MSRB3: variants seen among roughly 807,000 people sequenced by gnomAD.
MSRB3 encodes the protein methionine-R-sulfoxide reductase B3.
A neutral mutation model predicts 21.0 loss-of-function variants in MSRB3; 13 were observed. That is an observed-to-expected ratio of 0.62 (90% CI 0.40 to 0.98). MSRB3 has a LOEUF of 0.98. Among genes scored for constraint, MSRB3 ranks in the 50% least tolerant of loss-of-function variants. The pLI is 0.00. For synonymous variants in MSRB3, 87 were observed against 88.6 expected (o/e 0.98, Z 0.10); for missense variants, 199 against 230.3 (o/e 0.86, Z 0.88).
At chr12:65,347,879 G>C (rs989852257) in intron 4 of MSRB3, among the ~76,000 whole-genome samples, 1 of 152,130 alleles carries the variant, frequency 6.6e-6, no homozygotes, top group Non-Finnish European at 1.5e-5. Flanking sequence ...TTATATGCTG[G>C]ATTACGTTTA....
At chr12:65,428,739 C>T (rs916509969) in intron 5 of MSRB3, among the ~76,000 whole-genome samples, 1 of 152,096 alleles carries the variant, frequency 6.6e-6, no homozygotes, top group East Asian at 1.9e-4. Flanking sequence ...CTAGACCTTT[C>T]TCTGTCTATG....
intron 5 of MSRB3, among the ~76,000 whole-genome samples, chr12:65,422,961 C>CTTTT (rs141803317): frequency 3.3e-4 from 41 of 124,320 alleles, no homozygotes; most frequent in African/African-American, 9.4e-4. Context: ...TTAGGGTTTT[C>CTTTT]TTTTTTTTTT....
intron 4 of MSRB3, among the ~76,000 whole-genome samples, chr12:65,339,076 C>CA (rs1875969510): frequency 6.6e-6 from 1 of 151,744 alleles, no homozygotes; most frequent in African/African-American, 2.4e-5. Flanking sequence ...GATTCTGTCT[C>CA]AAAAAAATAA....
At position 65,406,493 on chromosome 12, in the gene MSRB3, C is replaced by T. The variant is rs117449370; in HGVS notation, c.292+37467C>T. The stretch of plus-strand genomic sequence containing the variant: ...TGTTCATGGGTTGGAAGAATTAATA[C>T]TGTTAAAATGTCTGTATACCCAAAA... On this transcript the variant is annotated intron_variant, in intron 5 of 6. Coordinates refer to ENST00000308259, the MANE Select transcript of MSRB3 (RefSeq NM_001031679.3). Among the ~76,000 whole-genome samples the T allele has an allele frequency of 5.9e-5, 9 of 152,290 alleles. No individual in the cohort carries two copies. The East Asian group carries it at 1.7e-3, about 29-fold the overall frequency.
intron 1 of MSRB3, among the ~76,000 whole-genome samples, chr12:65,304,195 A>G (rs548809746): frequency 2.4e-4 from 37 of 152,272 alleles, no homozygotes; most frequent in Admixed American, 1.7e-3. Context: ...CAGACCCTTT[A>G]TATTGGTTAG....
intron 5 of MSRB3, among the ~76,000 whole-genome samples, chr12:65,394,483 G>A (rs1879668218): frequency 6.6e-6 from 1 of 152,156 alleles, no homozygotes; most frequent in Non-Finnish European, 1.5e-5. Context: ...CTCCCAGCCA[G>A]TATCACTTCA....
At position 65,305,483 on chromosome 12, in the gene MSRB3, G is replaced by C. The variant is rs560552319; in HGVS notation, c.-51-3046G>C. 5.9e-5 allele frequency among the ~76,000 whole-genome samples: 9 copies of C among 152,270 alleles called. No homozygotes were observed. The East Asian group carries it at 9.7e-4, about 16-fold the overall frequency. ...AAGGCTTTTCATTGCCAGTTGTGTAGTGGTCAAGAGCACTGGCTTTGGAGG... is the reference window on the plus strand; with the variant it reads ...AAGGCTTTTCATTGCCAGTTGTGTACTGGTCAAGAGCACTGGCTTTGGAGG... On this transcript the variant is annotated intron_variant, in intron 1 of 6. Transcript: ENST00000308259.
At chr12:65,279,059 C>T (rs1194558135) in intron 1 of MSRB3, 194 bp downstream of exon 1, 1 of 1,419,956 alleles carries the variant, frequency 7.0e-7, no homozygotes, top group East Asian at 2.7e-5. Flanking sequence ...GGTGAGGGGC[C>T]GAACGGAAGG....
At chr12:65,347,394 A>G (rs913093823) in intron 4 of MSRB3, among the ~76,000 whole-genome samples, 1 of 152,102 alleles carries the variant, frequency 6.6e-6, no homozygotes, top group African/African-American at 2.4e-5. Flanking sequence ...TTTGTCTGTT[A>G]TTGGTGTATT....
chr12:65,424,753 C>T (rs12816177), intron 5 of MSRB3, among the ~76,000 whole-genome samples: 1,616 of 151,276 alleles, frequency 0.011, 13 homozygotes, highest in Non-Finnish European at 0.016. Context: ...GAGAATGTTC[C>T]GCTTGTGCTT....
rs990426596 is a variant in MSRB3, at chr12:65,280,272, C to CA, written c.-52+1414dup. 6.9e-4 allele frequency among the ~76,000 whole-genome samples: 105 copies of CA among 152,092 alleles called. 2 individuals are homozygous for CA. Among genetic ancestry groups the CA allele is most frequent in the Admixed American group, 5.4e-3 (83 of 15,280 alleles). On this transcript the variant is annotated intron_variant, in intron 1 of 6. Transcript: ENST00000308259. The stretch of plus-strand genomic sequence containing the variant: ...TTTCTTTCTGCATAGTATTGTTTTT[C>CA]AAAAAAACCCTGTTTTTTATAGATT...
In MSRB3 at chr12:65,347,596, G is replaced by T. The variant is rs28822674; in HGVS notation, c.263+18993G>T. Among the ~76,000 whole-genome samples, 523 of 152,152 alleles carry T rather than the reference G, an allele frequency of 3.4e-3. 4 individuals are homozygous for T. Among genetic ancestry groups the T allele is most frequent in the African/African-American group, 0.012 (491 of 41,500 alleles). On this transcript the variant is annotated intron_variant, in intron 4 of 6. Transcript: ENST00000308259. ...CTCTATTTCTTTCTCCTGCCTAATT[G>T]CCCTGGCCAGAACTTCCAACACTAT...
intron 4 of MSRB3, among the ~76,000 whole-genome samples, chr12:65,341,049 A>AG (rs1876106493): frequency 6.6e-6 from 1 of 152,126 alleles, no homozygotes; most frequent in Non-Finnish European, 1.5e-5. Flanking sequence ...TCTGATAAAA[A>AG]GATATTCAAT....
chr12:65,313,347 A>G (rs1273579411), intron 2 of MSRB3, among the ~76,000 whole-genome samples: 2 of 152,170 alleles, frequency 1.3e-5, no homozygotes, highest in Admixed American at 1.3e-4. Flanking sequence ...TACTTAAAAG[A>G]TAATCAGAAT....
chr12:65,309,173 A>G (rs944000080), intron 2 of MSRB3, among the ~76,000 whole-genome samples: 3 of 152,240 alleles, frequency 2.0e-5, no homozygotes, highest in African/African-American at 4.8e-5. Context: ...CTAATATAGC[A>G]TGCATCAGTG....
intron 5 of MSRB3, chr12:65,419,097 C>T (rs940990843): frequency 1.2e-5 from 8 of 692,168 alleles, no homozygotes; most frequent in Admixed American, 2.0e-5. Flanking sequence ...GGTCAGTCTC[C>T]GAGGACTGGG....
At chr12:65,300,168 GCTT>G (rs533676571) in intron 1 of MSRB3, among the ~76,000 whole-genome samples, 95 of 152,250 alleles carry the variant, frequency 6.2e-4, no homozygotes, top group African/African-American at 2.2e-3. Context: ...ACTTTCAATT[GCTT>G]CAGGAAATAA....
At chr12:65,349,556 C>G (rs544749690) in intron 4 of MSRB3, among the ~76,000 whole-genome samples, 247 of 148,610 alleles carry the variant, frequency 1.7e-3, no homozygotes, top group Admixed American at 2.8e-3. Flanking sequence ...TTCTCCACAT[C>G]CTCTCCGGCA....
At chr12:65,341,322 T>G (rs1408621439) in intron 4 of MSRB3, among the ~76,000 whole-genome samples, 1 of 152,082 alleles carries the variant, frequency 6.6e-6, no homozygotes, top group Non-Finnish European at 1.5e-5. Context: ...AAACATCACA[T>G]GTTCTCACTT....
Sources: allele counts gnomAD v4.1 joint callset (sites outside exome capture counted in the v4.1 genomes callset), GRCh38; gene constraint gnomAD v4.1.1; transcripts MANE v1.5; gene names NCBI Gene and HGNC (gene_info 2026-07-23, HGNC 2026-07-21).